PLEKHA5: variants seen among roughly 807,000 people sequenced by gnomAD.
PLEKHA5 encodes pleckstrin homology domain-containing family A member 5.
Under a neutral mutation model 181.9 loss-of-function variants are expected in PLEKHA5, and 55 were observed. The ratio of observed to expected loss-of-function variants is 0.30; its 90% confidence interval spans 0.24 to 0.38. The LOEUF is 0.38. Ranked by LOEUF, PLEKHA5 falls within the 10% of genes least tolerant of loss-of-function variation. The probability of loss-of-function intolerance (pLI) is 1.00; values close to 1 mark genes in which losing one functional copy is unlikely to be tolerated. For synonymous variants in PLEKHA5, 535 were observed against 529.4 expected (o/e 1.01, Z -0.15); for missense variants, 1,432 against 1,549.5 (o/e 0.92, Z 1.27).
intron 15 of PLEKHA5, chr12:19,307,672 A>G (rs1472114323): frequency 3.0e-6 from 1 of 330,898 alleles, no homozygotes; most frequent in Non-Finnish European, 6.1e-6. Context: ...TGATGATTCA[A>G]AAGCCCAAGA....
chr12:19,177,599 T>G (rs2047623270), intron 3 of PLEKHA5, among the ~76,000 whole-genome samples: 1 of 152,208 alleles, frequency 6.6e-6, no homozygotes, highest in Non-Finnish European at 1.5e-5. Context: ...TTTGTGCTCT[T>G]CTTTTGGTAA....
At position 19,366,112 on chromosome 12, in the gene PLEKHA5, A is replaced by G; in HGVS notation, c.3754+3A>G. ...TAGAGGAAATCAAACAATGGCAGGT[A>G]GGTAGTATACACTTCATAATTTTCT... On this transcript the variant is annotated splice_donor_region_variant and intron_variant, in intron 30 of 31. Coordinates refer to ENST00000429027, the MANE Select transcript of PLEKHA5 (RefSeq NM_001256470.2). The G allele has an allele frequency of 1.1e-5, 18 of 1,607,502 alleles. No homozygotes were observed. The highest frequency in any genetic ancestry group is 1.5e-5 in the Non-Finnish European group (18 of 1,175,968).
intron 10 of PLEKHA5, among the ~76,000 whole-genome samples, chr12:19,271,487 G>C (rs1468583413): frequency 1.3e-5 from 2 of 152,020 alleles, no homozygotes; most frequent in Admixed American, 6.5e-5. Flanking sequence ...CTAGACAACG[G>C]AGTGAGACCC....
chr12:19,294,407 C>A (rs1189313960), intron 15 of PLEKHA5, among the ~76,000 whole-genome samples: 2 of 152,034 alleles, frequency 1.3e-5, no homozygotes, highest in African/African-American at 2.4e-5. Context: ...TGAATTGATT[C>A]ATCAGTTTTA....
At chr12:19,131,609 G>A (rs971743966) in intron 2 of PLEKHA5, among the ~76,000 whole-genome samples, 1 of 151,498 alleles carries the variant, frequency 6.6e-6, no homozygotes, top group Non-Finnish European at 1.5e-5. Flanking sequence ...AAGTGTCCTA[G>A]TTAACCCCAC....
chr12:19,144,545 TGTG>T (rs1591800249), intron 3 of PLEKHA5, among the ~76,000 whole-genome samples: 2 of 152,196 alleles, frequency 1.3e-5, no homozygotes, highest in East Asian at 3.8e-4. Flanking sequence ...CAAAGTCAGA[TGTG>T]GGAGGAGAGC....
chr12:19,152,923 A>G (rs1341915444), intron 3 of PLEKHA5: 1 of 152,062 alleles, frequency 6.6e-6, no homozygotes, highest in Non-Finnish European at 1.5e-5. Flanking sequence ...TTCACATTCC[A>G]AGAGATCTTT....
intron 11 of PLEKHA5, among the ~76,000 whole-genome samples, chr12:19,276,975 T>TA (rs1283296058): frequency 2.6e-5 from 4 of 152,210 alleles, no homozygotes; most frequent in African/African-American, 9.6e-5. Flanking sequence ...AATTAGGCAT[T>TA]ATTTTTCACT....
At chr12:19,230,879 C>A (rs552094221) in intron 3 of PLEKHA5, among the ~76,000 whole-genome samples, 2 of 152,300 alleles carry the variant, frequency 1.3e-5, no homozygotes, top group South Asian at 2.1e-4. Context: ...GCTGAGAGCA[C>A]GCGAGGGCTG....
chr12:19,274,954 G>A lies in PLEKHA5; in HGVS notation c.1284G>A (p.Lys428=). 2 of 1,610,864 alleles carry A rather than the reference G, an allele frequency of 1.2e-6. No individual in the cohort carries two copies. The highest frequency in any genetic ancestry group is 2.7e-5 in the African/African-American group (2 of 75,032). ...TGGAACAGTGGATTAAAATCCAGAA[G>A]GGGAGGGGTCATGAAGAAGAAACCA... The part of the protein sequence containing the change: ...QQLEQWIKIQ[K]GRGHEEETRG... The change falls in exon 11 of 32, where the codon AAG becomes AAA. Residue 428 remains lysine, a synonymous_variant. Transcript: ENST00000429027.
At chr12:19,354,142 T>C (rs1316914618) in intron 26 of PLEKHA5, 140 bp downstream of exon 26, 1 of 322,406 alleles carries the variant, frequency 3.1e-6, no homozygotes, top group Non-Finnish European at 5.3e-6. Context: ...TATTCTTTAT[T>C]CTTTTTTTTT....
In PLEKHA5 at chr12:19,255,124, A is replaced by G; in HGVS notation, c.391A>G (p.Thr131Ala). The G allele has an allele frequency of 6.2e-7, 1 of 1,609,280 alleles. No individual in the cohort carries two copies. The highest frequency in any genetic ancestry group is 8.5e-7 in the Non-Finnish European group (1 of 1,176,570). The change falls in exon 5 of 32, where the codon ACT (threonine) becomes GCT (alanine). Residue 131 changes from threonine to alanine, a missense_variant. Around this residue, in one of 2 missense-constraint regions of PLEKHA5, gnomAD observed 289 missense variants for 381.1 expected, o/e 0.76. Coordinates refer to ENST00000429027, the MANE Select transcript of PLEKHA5 (RefSeq NM_001256470.2). Reference sequence around the variant, plus strand: ...AAATGAAGCTTCTAACTATAACGTGACTTCAGATTATGCAGTGCATCCAAT... The same window carrying G: ...AAATGAAGCTTCTAACTATAACGTGGCTTCAGATTATGCAGTGCATCCAAT... ...MINEASNYNV[T>A]SDYAVHPMSP...
chr12:19,213,568 G>T (rs1288658471), intron 3 of PLEKHA5, among the ~76,000 whole-genome samples: 2 of 152,172 alleles, frequency 1.3e-5, no homozygotes, highest in East Asian at 3.9e-4. Context: ...TAGGGGAGCA[G>T]AACAGGACAA....
At chr12:19,364,388 G>A (rs946087698) in intron 29 of PLEKHA5, among the ~76,000 whole-genome samples, 3 of 151,900 alleles carry the variant, frequency 2.0e-5, no homozygotes, top group African/African-American at 7.2e-5. Context: ...GTACATTCCT[G>A]TAATCCCACC....
At chr12:19,169,524 T>G (rs1386719719) in intron 3 of PLEKHA5, among the ~76,000 whole-genome samples, 1 of 152,212 alleles carries the variant, frequency 6.6e-6, no homozygotes, top group African/African-American at 2.4e-5. Context: ...AATACCATCT[T>G]GTCTATGAGA....
chr12:19,213,894 G>A (rs2057442054), intron 3 of PLEKHA5, among the ~76,000 whole-genome samples: 1 of 152,122 alleles, frequency 6.6e-6, no homozygotes, highest in South Asian at 2.1e-4. Context: ...TTTTAAGTTT[G>A]AAATGTAGAT....
At chr12:19,187,479 A>G (rs1335473050) in intron 3 of PLEKHA5, among the ~76,000 whole-genome samples, 5 of 152,164 alleles carry the variant, frequency 3.3e-5, no homozygotes, top group African/African-American at 1.2e-4. Flanking sequence ...AACTGTTTCC[A>G]GGTTGATCCA....
At chr12:19,156,885 C>CA (rs1426400665) in intron 3 of PLEKHA5, among the ~76,000 whole-genome samples, 3 of 63,294 alleles carry the variant, frequency 4.7e-5, no homozygotes, top group Non-Finnish European at 1.1e-4. Context: ...TCTCTACTAA[C>CA]AAAAAATACC....
At chr12:19,246,149 T>C (rs1216434819) in intron 3 of PLEKHA5, among the ~76,000 whole-genome samples, 1 of 151,414 alleles carries the variant, frequency 6.6e-6, no homozygotes, top group Non-Finnish European at 1.5e-5. Context: ...CGGTTAACTT[T>C]TTGTATTTTT....
Sources: gnomAD v4.1 joint callset for allele counts (sites outside exome capture counted in the v4.1 genomes callset) on GRCh38, gnomAD v4.1.1 for gene constraint, gnomAD v4.1.1 regional missense constraint, MANE v1.5 for transcripts, NCBI Gene and HGNC (gene_info 2026-07-23, HGNC 2026-07-21) for gene names.